The following ADAMTSL3 variants were observed in gnomAD, a reference collection of about 807,000 sequenced individuals.
ADAMTSL3 encodes ADAMTS like 3.
ADAMTSL3 carries 128 observed loss-of-function variants against 201.7 expected under a neutral mutation model. The ratio of observed to expected loss-of-function variants is 0.63; its 90% CI spans 0.55 to 0.73. The LOEUF is 0.73. Ranked by LOEUF, ADAMTSL3 falls within the 30% of genes least tolerant of loss-of-function variation. ADAMTSL3 has a pLI of 0.00. For missense variants in ADAMTSL3, 1,990 were observed against 2,119.6 expected (o/e 0.94, Z 1.20); for synonymous variants, 738 against 748.4 (o/e 0.99, Z 0.23).
intron 23 of ADAMTSL3, among the ~76,000 whole-genome samples, chr15:83,993,050 C>G (rs1285811648): frequency 6.6e-6 from 1 of 152,196 alleles, no homozygotes; most frequent in Non-Finnish European, 1.5e-5. Context: ...AAAAATAAAC[C>G]TGCCTCCAAA....
chr15:83,799,727 C>T (rs932291671), intron 4 of ADAMTSL3, among the ~76,000 whole-genome samples: 8 of 152,004 alleles, frequency 5.3e-5, no homozygotes, highest in Middle Eastern at 6.3e-3. Flanking sequence ...CAGGGTGTTA[C>T]GAATGTTGTA....
chr15:83,772,507 A>G (rs928708032), intron 3 of ADAMTSL3, among the ~76,000 whole-genome samples: 9 of 152,162 alleles, frequency 5.9e-5, no homozygotes, highest in Non-Finnish European at 8.8e-5. Context: ...ATTAAACCAA[A>G]CTGTACTCAT....
At chr15:83,668,300 C>T (rs1032095035) in intron 2 of ADAMTSL3, among the ~76,000 whole-genome samples, 1 of 151,272 alleles carries the variant, frequency 6.6e-6, no homozygotes, top group Non-Finnish European at 1.5e-5. Context: ...TTTTCTCACT[C>T]TTTTTTTTCA....
rs1394445621 is a variant in ADAMTSL3, at chr15:83,725,735, T to C, written c.189+21227T>C. Reference sequence around the variant, plus strand: ...AGTATGCATTTATATCTGGGTTCTCTATTCCTTTGGTCTATATGTCTGTTT... The same window carrying C: ...AGTATGCATTTATATCTGGGTTCTCCATTCCTTTGGTCTATATGTCTGTTT... On this transcript the variant is annotated intron_variant, in intron 3 of 29. Transcript: ENST00000286744. Among the ~76,000 whole-genome samples, 5 of 152,192 alleles carry C rather than the reference T, an allele frequency of 3.3e-5. No homozygotes were observed. The East Asian group carries it at 9.6e-4, about 29-fold the overall frequency.
Position 83,913,285 on chromosome 15 carries a change from C to T in ADAMTSL3, c.1894C>T (p.Arg632Ter), listed in dbSNP as rs1386849167. Reference protein sequence around the residue: ...LEACDESPASRELDIPLPEDS... With the variant: ...LEACDESPAS ...AGCATGTGATGAGAGCCCGGCCTCC[C>T]GAGAGCTAGACATCCCTCTCCCTGA... The change falls in exon 16 of 30, where the codon CGA becomes TGA. Residue 632 changes from arginine to a stop codon, truncating the protein, a stop_gained. Transcript: ENST00000286744. LOFTEE classifies it high-confidence loss of function. 5.6e-6 allele frequency: 9 copies of T among 1,613,834 alleles called. No individual in the cohort carries two copies. Among genetic ancestry groups the T allele is most frequent in the African/African-American group, 2.7e-5 (2 of 74,904 alleles).
intron 15 of ADAMTSL3, among the ~76,000 whole-genome samples, chr15:83,905,048 T>C (rs1461176877): frequency 6.6e-6 from 1 of 152,210 alleles, no homozygotes; most frequent in Non-Finnish European, 1.5e-5. Context: ...GGAGGTGCTA[T>C]TCTTATTTTC....
chr15:83,662,731 A>G (rs539017944), intron 2 of ADAMTSL3, among the ~76,000 whole-genome samples: 1 of 152,036 alleles, frequency 6.6e-6, no homozygotes, highest in South Asian at 2.1e-4. Context: ...TTTTCCCTCT[A>G]CCATGGAATG....
chr15:83,670,644 A>G (rs1469877730), intron 2 of ADAMTSL3, among the ~76,000 whole-genome samples: 2 of 152,192 alleles, frequency 1.3e-5, no homozygotes, highest in Non-Finnish European at 2.9e-5. Context: ...CTAAGACCTA[A>G]TCAATTCATT....
chr15:83,989,840 A>T (rs1234648627), intron 22 of ADAMTSL3, among the ~76,000 whole-genome samples: 2 of 152,240 alleles, frequency 1.3e-5, no homozygotes, highest in East Asian at 3.9e-4. Flanking sequence ...AATTTTATAC[A>T]TGTATTTGCT....
chr15:83,706,119 A>G (rs374134089), intron 3 of ADAMTSL3, among the ~76,000 whole-genome samples: 2 of 152,134 alleles, frequency 1.3e-5, no homozygotes, highest in African/African-American at 2.4e-5. Context: ...CCAGAAATCA[A>G]TAATCCAACA....
chr15:83,926,531 A>C (rs2066247713), intron 17 of ADAMTSL3, among the ~76,000 whole-genome samples: 1 of 152,202 alleles, frequency 6.6e-6, no homozygotes, highest in Non-Finnish European at 1.5e-5. Flanking sequence ...ATTTCATTTG[A>C]GCATCCTCGA....
At chr15:83,680,756 C>G (rs1228042459) in intron 2 of ADAMTSL3, among the ~76,000 whole-genome samples, 1 of 151,846 alleles carries the variant, frequency 6.6e-6, no homozygotes, top group Non-Finnish European at 1.5e-5. Flanking sequence ...TTTTCTGGTG[C>G]TTTAAGACAT....
chr15:83,818,475 C>G (rs1163066647), intron 5 of ADAMTSL3, among the ~76,000 whole-genome samples: 1 of 152,082 alleles, frequency 6.6e-6, no homozygotes, highest in Non-Finnish European at 1.5e-5. Context: ...TACAGGCATG[C>G]GCCACCACAC....
At chr15:83,929,864 C>G (rs1461555058) in intron 17 of ADAMTSL3, among the ~76,000 whole-genome samples, 2 of 152,088 alleles carry the variant, frequency 1.3e-5, no homozygotes, top group Non-Finnish European at 2.9e-5. Context: ...ATGACCCACA[C>G]TCCTGCTCAT....
At chr15:83,752,156 G>T (rs1255499205) in intron 3 of ADAMTSL3, among the ~76,000 whole-genome samples, 1 of 152,276 alleles carries the variant, frequency 6.6e-6, no homozygotes, top group East Asian at 1.9e-4. Context: ...CAAATCAGTG[G>T]TATAGAAGAC....
intron 19 of ADAMTSL3, among the ~76,000 whole-genome samples, chr15:83,949,830 A>T (rs1308926380): frequency 6.6e-6 from 1 of 151,918 alleles, no homozygotes; most frequent in African/African-American, 2.4e-5. Context: ...GTCTATTCAG[A>T]TCTTTTCCCA....
At chr15:83,845,797 G>T (rs1235536139) in intron 7 of ADAMTSL3, among the ~76,000 whole-genome samples, 2 of 152,140 alleles carry the variant, frequency 1.3e-5, no homozygotes, top group Non-Finnish European at 2.9e-5. Flanking sequence ...AGAATGAGTT[G>T]GTGTGAGGTT....
intron 3 of ADAMTSL3, among the ~76,000 whole-genome samples, chr15:83,707,579 C>T (rs907795970): frequency 6.6e-6 from 1 of 152,196 alleles, no homozygotes; most frequent in East Asian, 1.9e-4. Context: ...CCCTAGGAGG[C>T]TCCTTGAACC....
At chr15:83,789,816 A>C (rs2063317716) in intron 4 of ADAMTSL3, among the ~76,000 whole-genome samples, 1 of 152,156 alleles carries the variant, frequency 6.6e-6, no homozygotes, top group Admixed American at 6.5e-5. Context: ...TGCCAAAGTA[A>C]GGGAGGTCAG....
Sources: gnomAD v4.1 joint callset for allele counts (sites outside exome capture counted in the v4.1 genomes callset) on GRCh38, gnomAD v4.1.1 for gene constraint, MANE v1.5 for transcripts, NCBI Gene and HGNC (gene_info 2026-07-23, HGNC 2026-07-21) for gene names.